Variants in SLC18A1 observed in about 807,000 individuals in gnomAD.
The protein encoded by SLC18A1 is solute carrier family 18 member A1, also known as chromaffin granule amine transporter.
Under a neutral mutation model 53.7 loss-of-function variants are expected in SLC18A1, and 69 were observed. That is an observed-to-expected ratio of 1.28 (90% CI 1.06 to 1.57). SLC18A1 has a LOEUF of 1.57. SLC18A1 is among the 40% of genes most tolerant of loss of function. The pLI, the probability that SLC18A1 is intolerant of heterozygous loss-of-function variation, is 0.00. For missense variants in SLC18A1, 932 were observed against 668.1 expected (o/e 1.40, Z -4.35); for synonymous variants, 320 against 248.1 (o/e 1.29, Z -2.72).
At chr8:20,162,187 G>A (rs918242038) in intron 10 of SLC18A1, among the ~76,000 whole-genome samples, 4 of 152,180 alleles carry the variant, frequency 2.6e-5, no homozygotes, top group Non-Finnish European at 5.9e-5. Flanking sequence ...AGCCCATGGA[G>A]GGTGTCCCAG....
At chr8:20,174,701 T>C (rs1356887232) in intron 4 of SLC18A1, among the ~76,000 whole-genome samples, 3 of 152,182 alleles carry the variant, frequency 2.0e-5, no homozygotes, top group Non-Finnish European at 4.4e-5. Context: ...AGGCTGAGTC[T>C]GTACATCTCT....
intron 4 of SLC18A1, among the ~76,000 whole-genome samples, chr8:20,178,127 C>CACACAG (rs2072297725): frequency 6.7e-6 from 1 of 150,044 alleles, no homozygotes; most frequent in Admixed American, 6.6e-5. Flanking sequence ...ATATAACACA[C>CACACAG]ACACACACAC....
intron 13 of SLC18A1, 119 bp downstream of exon 13, chr8:20,147,888 G>T: frequency 1.4e-6 from 2 of 1,430,470 alleles, no homozygotes; most frequent in Non-Finnish European, 1.9e-6. Flanking sequence ...CCTGCCAGCT[G>T]CCCTCCTGAT....
intron 1 of SLC18A1, among the ~76,000 whole-genome samples, chr8:20,182,459 G>C (rs1326669909): frequency 6.6e-6 from 1 of 152,074 alleles, no homozygotes; most frequent in Non-Finnish European, 1.5e-5. Context: ...ATAAATATAT[G>C]GGCACATTTT....
chr8:20,176,051 C>T (rs1022100437), intron 4 of SLC18A1: 10 of 152,220 alleles, frequency 6.6e-5, no homozygotes, highest in African/African-American at 1.9e-4. Context: ...GGAAGCCCCT[C>T]ACTACAGTGT....
chr8:20,177,242 C>T (rs1279571812), intron 4 of SLC18A1, among the ~76,000 whole-genome samples: 1 of 152,226 alleles, frequency 6.6e-6, no homozygotes, highest in Non-Finnish European at 1.5e-5. Context: ...GACAACCTCA[C>T]ATCTCAAGTT....
At chr8:20,148,363 G>T in intron 12 of SLC18A1, 2 of 914,512 alleles carry the variant, frequency 2.2e-6, no homozygotes, top group Non-Finnish European at 3.1e-6. Context: ...CTCTAACGAG[G>T]GTCTTCCTCT....
chr8:20,162,471 A>G (rs1374610890), intron 10 of SLC18A1, among the ~76,000 whole-genome samples: 1 of 152,132 alleles, frequency 6.6e-6, no homozygotes, highest in Non-Finnish European at 1.5e-5. Context: ...TCACCTTTAA[A>G]TCATTTCTTT....
chr8:20,180,662 A>T (rs2072402023), intron 2 of SLC18A1, among the ~76,000 whole-genome samples, 179 bp downstream of exon 2: 1 of 152,172 alleles, frequency 6.6e-6, no homozygotes, highest in Admixed American at 6.5e-5. Flanking sequence ...GCTGTGTTTG[A>T]CAAGTGTCAG....
Position 20,150,575 on chromosome 8 carries a change from G to C in SLC18A1, c.1094+91C>G. The C allele has an allele frequency of 2.6e-6, 3 of 1,134,724 alleles. No individual in the cohort carries two copies. The Admixed American group carries it at 5.1e-5, about 19-fold the overall frequency. 70.3% of individuals were successfully genotyped at this position (1,134,724 alleles called of 1,614,324 possible). A position where few individuals can be genotyped will look rare whatever the true frequency, so the allele number is the denominator to read the frequency against. On this transcript the variant is annotated intron_variant, in intron 11 of 15. Transcript: ENST00000276373. ...GTGTACTCATCCTAAACTTTCAACC[G>C]TATGGAAGCTGTTCATCATTCCAAG...
At chr8:20,171,314 G>A (rs564738396) in intron 7 of SLC18A1, 91 bp downstream of exon 7, 19 of 1,337,814 alleles carry the variant, frequency 1.4e-5, no homozygotes, top group South Asian at 5.9e-5. Context: ...TGTCCAAACC[G>A]CCCATTCTTA....
At chr8:20,146,577 C>T (rs1480120791) in intron 15 of SLC18A1, among the ~76,000 whole-genome samples, 1 of 152,132 alleles carries the variant, frequency 6.6e-6, no homozygotes, top group Non-Finnish European at 1.5e-5. Context: ...AAAGAAAATC[C>T]TATGGTATGG....
At chr8:20,153,200 C>G (rs562892439) in intron 10 of SLC18A1, among the ~76,000 whole-genome samples, 3 of 150,672 alleles carry the variant, frequency 2.0e-5, no homozygotes, top group Non-Finnish European at 4.4e-5. Flanking sequence ...TAAGGTGAGA[C>G]CAACAGCGTG....
At chr8:20,173,939 C>G (rs916140876) in intron 5 of SLC18A1, among the ~76,000 whole-genome samples, 8 of 150,682 alleles carry the variant, frequency 5.3e-5, no homozygotes, top group African/African-American at 2.0e-4. Flanking sequence ...CTCTGTCACC[C>G]AGGCTGAAGT....
intron 4 of SLC18A1, among the ~76,000 whole-genome samples, 198 bp from the exon 5 acceptor site, chr8:20,174,642 A>C (rs144477881): frequency 9.2e-5 from 14 of 152,284 alleles, no homozygotes; most frequent in African/African-American, 3.1e-4. Flanking sequence ...ATGGCAAGAA[A>C]ACTGAGAAAC....
At chr8:20,170,019 G>T (rs1158369801) in intron 8 of SLC18A1, among the ~76,000 whole-genome samples, 2 of 152,176 alleles carry the variant, frequency 1.3e-5, no homozygotes, top group African/African-American at 4.8e-5. Context: ...CCTGGGCCAG[G>T]GCTGGAGGGG....
intron 10 of SLC18A1, among the ~76,000 whole-genome samples, chr8:20,160,177 G>A (rs2071787692): frequency 6.6e-6 from 1 of 150,854 alleles, no homozygotes; most frequent in Admixed American, 6.6e-5. Context: ...TCCTGGACAG[G>A]TGGCAATCTG....
chr8:20,168,694 G>A (rs2072035215), intron 8 of SLC18A1, among the ~76,000 whole-genome samples: 2 of 152,080 alleles, frequency 1.3e-5, no homozygotes, highest in South Asian at 4.1e-4. Flanking sequence ...TCAGCCTCCT[G>A]AGTAGCTGGG....
Position 20,148,082 on chromosome 8 carries a change from A to T in SLC18A1, c.1147-12T>A, listed in dbSNP as rs1247427100. On this transcript the variant is annotated splice_polypyrimidine_tract_variant and intron_variant, in intron 12 of 15. Coordinates refer to ENST00000276373, the MANE Select transcript of SLC18A1 (RefSeq NM_003053.4). ...TGAGCCAGAGGAACCTGCATGGGGAAGGAGGAAGAGTCATCAGGACTCCAG... is the reference window on the plus strand; with the variant it reads ...TGAGCCAGAGGAACCTGCATGGGGATGGAGGAAGAGTCATCAGGACTCCAG... The T allele has an allele frequency of 6.2e-7, 1 of 1,613,874 alleles. No individual in the cohort carries two copies.
Sources: gnomAD v4.1 joint callset for allele counts (sites outside exome capture counted in the v4.1 genomes callset) on GRCh38, gnomAD v4.1.1 for gene constraint, MANE v1.5 for transcripts, NCBI Gene and HGNC (gene_info 2026-07-23, HGNC 2026-07-21) for gene names.